ALLC: variants seen among roughly 807,000 people sequenced by gnomAD.
The protein encoded by ALLC is probable inactive allantoicase.
A neutral mutation model predicts 45.0 loss-of-function variants in ALLC; 40 were observed. That is an observed-to-expected ratio of 0.89 (90% CI 0.69 to 1.16). The LOEUF is 1.16. Ranked by LOEUF, ALLC falls within the 50% of genes most tolerant of loss-of-function variation. The pLI, the probability that ALLC is intolerant of heterozygous loss-of-function variation, is 0.00. For missense variants in ALLC, 488 were observed against 493.1 expected (o/e 0.99, Z 0.10); for synonymous variants, 176 against 178.1 (o/e 0.99, Z 0.09).
At chr2:3,649,431 C>CG in the ALLC span, among the ~76,000 whole-genome samples, 1 of 152,056 alleles carries the variant, frequency 6.6e-6, no homozygotes, top group East Asian at 1.9e-4. Flanking sequence ...TTAGTAGAGA[C>CG]GGGGTTTCAC....
intron 11 of ALLC, 95 bp from the exon 12 acceptor site, chr2:3,702,268 T>TA: frequency 9.7e-7 from 1 of 1,033,206 alleles, no homozygotes; most frequent in South Asian, 1.7e-5. Context: ...CCCCTTCGGT[T>TA]AAGTCTAAGC....
At chr2:3,654,720 G>C (rs1399857581), upstream of ALLC, among the ~76,000 whole-genome samples, 1 of 152,222 alleles carries the variant, frequency 6.6e-6, no homozygotes. Flanking sequence ...TGTCTTTTCT[G>C]CGTGTTTCCC....
In ALLC at chr2:3,680,211, T is replaced by C. The variant is rs73910328; in HGVS notation, c.298+217T>C. 8.6e-3 allele frequency among the ~76,000 whole-genome samples: 1,314 copies of C among 152,304 alleles called. 14 individuals carry two copies. Among genetic ancestry groups the C allele is most frequent in the African/African-American group, 0.03 (1,235 of 41,552 alleles). The stretch of plus-strand genomic sequence containing the variant: ...GCTTAATAGTGTTAACAGCCAGATA[T>C]AGATTTTATCATTCCCACGGTCCTT... On this transcript the variant is annotated intron_variant, in intron 5 of 11. Transcript: ENST00000252505. This position sits in a 1 kb window ranked among gnomAD's most constrained non-coding sequence, Gnocchi z 4.0.
chr2:3,683,485 C>G (rs1413485362), intron 7 of ALLC, among the ~76,000 whole-genome samples: 2 of 152,178 alleles, frequency 1.3e-5, no homozygotes, highest in East Asian at 3.8e-4. Context: ...CACGTGCAAC[C>G]ATCACCATAC....
At position 3,697,442 on chromosome 2, in the gene ALLC, C is replaced by G. The variant is rs778800037; in HGVS notation, c.836C>G (p.Thr279Arg). 1 of 1,613,380 alleles carries G rather than the reference C, an allele frequency of 6.2e-7. No individual in the cohort carries two copies. The highest frequency in any genetic ancestry group is 1.7e-5 in the Admixed American group (1 of 60,006). The change falls in exon 10 of 12, where the codon ACA becomes AGA. Residue 279 changes from threonine (T) to arginine (R), a missense_variant. Coordinates refer to ENST00000252505, the MANE Select transcript of ALLC (RefSeq NM_018436.4). ...GTAATAACTCGAATTGAAATTGACA[C>G]AAAATATTTTGAAGGTAAATGCAAA... The part of the protein sequence containing the change: ...PGVITRIEID[T>R]KYFEGNAPDS...
At chr2:3,672,956 A>G (rs1666932543) in intron 2 of ALLC, among the ~76,000 whole-genome samples, 1 of 150,920 alleles carries the variant, frequency 6.6e-6, no homozygotes, top group South Asian at 2.1e-4. Flanking sequence ...ACACTCTAGC[A>G]GGGAGACAGA....
At chr2:3,697,659 C>CTATCTATT in intron 10 of ALLC, among the ~76,000 whole-genome samples, 1 of 150,438 alleles carries the variant, frequency 6.6e-6, no homozygotes, top group East Asian at 1.9e-4. Flanking sequence ...ATCTATCTAT[C>CTATCTATT]TATCTATCTT....
At chr2:3,651,237 G>A in the ALLC span, among the ~76,000 whole-genome samples, 1 of 150,476 alleles carries the variant, frequency 6.6e-6, no homozygotes, top group Non-Finnish European at 1.5e-5. Flanking sequence ...ACACAGGCGC[G>A]GGGAGGTTTG....
intron 3 of ALLC, among the ~76,000 whole-genome samples, chr2:3,676,292 G>A (rs1183154537): frequency 1.3e-5 from 2 of 152,042 alleles, no homozygotes; most frequent in Admixed American, 6.5e-5. Context: ...TTTTTGGTGG[G>A]GGTGGGGCAG....
intron 10 of ALLC, among the ~76,000 whole-genome samples, chr2:3,700,747 C>T (rs756272533): frequency 2.0e-5 from 3 of 152,148 alleles, no homozygotes; most frequent in Non-Finnish European, 4.4e-5. Flanking sequence ...CCTTTGTGTC[C>T]GTATGCACCC....
At chr2:3,659,331 T>A (rs1666513992) in intron 1 of ALLC, among the ~76,000 whole-genome samples, 1 of 152,200 alleles carries the variant, frequency 6.6e-6, no homozygotes, top group Admixed American at 6.5e-5. Flanking sequence ...TGCCTGAAAT[T>A]TCATGACTCT....
At chr2:3,651,439 G>GCA in the ALLC span, among the ~76,000 whole-genome samples, 4 of 63,628 alleles carry the variant, frequency 6.3e-5, 1 homozygote, top group Admixed American at 4.4e-4. Flanking sequence ...GTGTGTGTGT[G>GCA]TGTTAGGAAG....
intron 1 of ALLC, among the ~76,000 whole-genome samples, chr2:3,659,828 T>C (rs1558532418): frequency 6.6e-6 from 1 of 152,176 alleles, no homozygotes; most frequent in Admixed American, 6.5e-5. Context: ...CCACTGTGGA[T>C]ACTTCTGGGA....
chr2:3,656,303 C>T (rs1457779549), upstream of ALLC, among the ~76,000 whole-genome samples: 11 of 152,320 alleles, frequency 7.2e-5, no homozygotes, highest in South Asian at 4.1e-4. Context: ...TACGGAGCTC[C>T]GAGAACAGCC....
In ALLC at chr2:3,671,210, C is replaced by T. The variant is rs1323141326; in HGVS notation, c.33+20C>T. 1 of 1,607,108 alleles carries T rather than the reference C, an allele frequency of 6.2e-7. No individual in the cohort carries two copies. On this transcript the variant is annotated intron_variant, in intron 2 of 11. Transcript: ENST00000252505. ...GGAAAAGTAAGTGGGTCTCTCATGG[C>T]CAAACAAGGGTTGAAGGCATCCGTG...
At chr2:3,683,354 G>A (rs1276737716) in intron 7 of ALLC, among the ~76,000 whole-genome samples, 2 of 152,192 alleles carry the variant, frequency 1.3e-5, no homozygotes, top group Non-Finnish European at 2.9e-5. Context: ...TGTTATATTA[G>A]CAGCTGAAGT....
intron 2 of ALLC, among the ~76,000 whole-genome samples, chr2:3,673,246 C>A (rs72769383): frequency 0.11 from 16,146 of 152,290 alleles, 892 homozygotes; most frequent in African/African-American, 0.16. Flanking sequence ...GAGTTGGGAG[C>A]ACGAGTCTGG....
Position 3,671,106 on chromosome 2 carries a change from T to G in ALLC, c.-52T>G. On this transcript the variant is annotated 5_prime_UTR_variant, in exon 2 of 12. Transcript: ENST00000252505. ...CCCTCTCCCTTCCAGGAAGCACGGC[T>G]GATGCTCCGAAGGAGGGAAGACTGA... The G allele has an allele frequency of 6.3e-7, 1 of 1,595,144 alleles. No homozygotes were observed. Among genetic ancestry groups the G allele is most frequent in the Non-Finnish European group, 8.5e-7 (1 of 1,170,450 alleles).
the ALLC span, among the ~76,000 whole-genome samples, chr2:3,652,731 T>C: frequency 6.6e-6 from 1 of 151,948 alleles, no homozygotes; most frequent in Non-Finnish European, 1.5e-5. Context: ...TATAGGCGTG[T>C]GCCACATGCC....
Sources: gnomAD v4.1 joint callset for allele counts (sites outside exome capture counted in the v4.1 genomes callset) on GRCh38, gnomAD v4.1.1 for gene constraint, Gnocchi (gnomAD v3.1) non-coding constraint, MANE v1.5 for transcripts, NCBI Gene and HGNC (gene_info 2026-07-23, HGNC 2026-07-21) for gene names.